Variants in SMIM13 observed in about 807,000 individuals in gnomAD.
SMIM13 encodes UPF0766 protein C6orf228.
SMIM13 carries 3 observed loss-of-function variants against 5.9 expected under a neutral mutation model. The ratio of observed to expected loss-of-function variants is 0.51; its 90% CI spans 0.23 to 1.31. SMIM13 has a LOEUF of 1.31. SMIM13 is among the 40% of genes most tolerant of loss of function. The pLI is 0.18. For missense variants in SMIM13, 85 were observed against 109.9 expected, an observed-to-expected ratio of 0.77 and a Z score of 1.01; for synonymous variants, 55 against 46.0, an observed-to-expected ratio of 1.19 and a Z score of -0.79.
At chr6:11,102,474 A>G (rs1296391170) in intron 1 of SMIM13, 1 of 152,246 alleles carries the variant, frequency 6.6e-6, no homozygotes, top group African/African-American at 2.4e-5. Flanking sequence ...GTGTTAAGAA[A>G]TCAACTTAGG....
In SMIM13 at chr6:11,097,476, C is replaced by T. The variant is rs369084255; in HGVS notation, c.76+3087C>T. 1.3e-4 allele frequency among the ~76,000 whole-genome samples: 19 copies of T among 150,474 alleles called. No individual in the cohort carries two copies. The East Asian group carries it at 1.8e-3, about 14-fold the overall frequency. ...TTCGAGACCAGCCTGGCCAACATGG[C>T]GAATCCCCGTCTGTGCTAAAAAAAA... On this transcript the variant is annotated intron_variant, in intron 1 of 1. Transcript: ENST00000416247.
At chr6:11,108,461 T>A (rs1758120603) in intron 1 of SMIM13, among the ~76,000 whole-genome samples, 1 of 152,196 alleles carries the variant, frequency 6.6e-6, no homozygotes, top group Admixed American at 6.5e-5. Flanking sequence ...GTAGTCCTGT[T>A]TCCCAGTGGC....
chr6:11,131,460 C>T (rs1758449060), intron 1 of SMIM13, among the ~76,000 whole-genome samples: 1 of 150,668 alleles, frequency 6.6e-6, no homozygotes, highest in Non-Finnish European at 1.5e-5. Context: ...ATGGAAATGA[C>T]TCAGAATAGT....
Position 11,133,697 on chromosome 6 carries a change from A to C in SMIM13, c.77-706A>C, listed in dbSNP as rs562215126. Among the ~76,000 whole-genome samples the C allele has an allele frequency of 7.2e-5, 11 of 151,988 alleles. No individual in the cohort carries two copies. In the East Asian group the frequency reaches 1.9e-3, roughly 27 times the overall value. ...ATTAATGTTTGTTCCTTATTAGCGA[A>C]CATTTAAAAACCTTTACTACTCCTT... On this transcript the variant is annotated intron_variant, in intron 1 of 1. Coordinates refer to ENST00000416247, the MANE Select transcript of SMIM13 (RefSeq NM_001135575.2).
intron 1 of SMIM13, among the ~76,000 whole-genome samples, chr6:11,114,668 G>A (rs61320235): frequency 0.024 from 3,302 of 137,260 alleles, 129 homozygotes; most frequent in African/African-American, 0.087. Context: ...GTATGATCTC[G>A]GCTCACTGCA....
At chr6:11,126,238 C>T (rs1465805273) in intron 1 of SMIM13, among the ~76,000 whole-genome samples, 1 of 152,088 alleles carries the variant, frequency 6.6e-6, no homozygotes, top group Non-Finnish European at 1.5e-5. Flanking sequence ...TTAGTAGGGG[C>T]GGGATTTCAC....
At chr6:11,096,414 G>C (rs1350916409) in intron 1 of SMIM13, among the ~76,000 whole-genome samples, 1 of 152,210 alleles carries the variant, frequency 6.6e-6, no homozygotes, top group Non-Finnish European at 1.5e-5. Flanking sequence ...TAGGGCTGGA[G>C]AGCCCTGTGC....
chr6:11,114,035 A>C (rs1256841899), intron 1 of SMIM13, among the ~76,000 whole-genome samples: 1 of 150,128 alleles, frequency 6.7e-6, no homozygotes, highest in Non-Finnish European at 1.5e-5. Flanking sequence ...GCTGGAGTGC[A>C]ATGGCGCGGT....
chr6:11,134,565 G>A lies in SMIM13; in HGVS notation c.239G>A (p.Arg80Lys). ...AGAATCAGATCCGCTCGCCAAAGGA[G>A]GGCACCTGCTGATGAAGGCCACAGA... ...PHRIRSARQR[R>K]APADEGHRPL... Residue 80 changes from arginine to lysine, a missense_variant, in exon 2 of 2, where the codon AGG becomes AAG. Physicochemically the swap from Arg to Lys is conservative, Grantham distance 26. Transcript: ENST00000416247. 6.5e-7 allele frequency: 1 copy of A among 1,549,068 alleles called. No individual in the cohort carries two copies. The highest frequency in any genetic ancestry group is 8.7e-7 in the Non-Finnish European group (1 of 1,145,590).
chr6:11,138,227 C>T lies in SMIM13; in HGVS notation c.*3625C>T, dbSNP rs182205515. 5.3e-4 allele frequency: 81 copies of T among 152,304 alleles called. No homozygotes were observed. The highest frequency in any genetic ancestry group is 1.9e-3 in the African/African-American group (81 of 41,584). 9.4% of individuals were successfully genotyped at this position (152,304 alleles called of 1,614,324 possible). A position where few individuals can be genotyped will look rare whatever the true frequency, so the allele number is the denominator to read the frequency against. ...GCAGTCCTCAGAGGTTATGGACTCT[C>T]AAGCGACTAATGGAATAGTGTTCTG... On this transcript the variant is annotated 3_prime_UTR_variant, in exon 2 of 2. Transcript: ENST00000416247.
At chr6:11,104,583 G>A (rs767522278) in intron 1 of SMIM13, 1 of 1,613,260 alleles carries the variant, frequency 6.2e-7, no homozygotes, top group Admixed American at 1.7e-5. Context: ...AGCTCCCTTG[G>A]TTTTATTTTC....
chr6:11,103,713 A>G, intron 1 of SMIM13: 1 of 1,551,218 alleles, frequency 6.4e-7, no homozygotes. Context: ...TGACTCTTGA[A>G]TATTGCGAGG....
At chr6:11,129,148 T>A (rs1482236970) in intron 1 of SMIM13, among the ~76,000 whole-genome samples, 1 of 152,072 alleles carries the variant, frequency 6.6e-6, no homozygotes, top group East Asian at 1.9e-4. Context: ...CTAATTGTAT[T>A]TTTATACCCA....
At chr6:11,102,251 A>G (rs562797549) in intron 1 of SMIM13, among the ~76,000 whole-genome samples, 1 of 152,326 alleles carries the variant, frequency 6.6e-6, no homozygotes, top group South Asian at 2.1e-4. Flanking sequence ...ACAGGTGGAT[A>G]TATATGAATT....
chr6:11,121,856 C>CATTG (rs1217636334), intron 1 of SMIM13, among the ~76,000 whole-genome samples: 2 of 152,238 alleles, frequency 1.3e-5, no homozygotes, highest in African/African-American at 4.8e-5. Context: ...CCTCCTGCAG[C>CATTG]ATTGCTCCAC....
Position 11,136,078 on chromosome 6 carries a change from CTTCTACT to C in SMIM13, c.*1479_*1485del, listed in dbSNP as rs1382911957. 6 of 152,144 alleles carry C rather than the reference CTTCTACT, an allele frequency of 3.9e-5. No individual in the cohort carries two copies. The highest frequency in any genetic ancestry group is 8.8e-5 in the Non-Finnish European group (6 of 68,030). The allele number at this position is 152,144 out of a possible 1,614,324, so 9.4% of individuals were successfully genotyped here. Reference sequence around the variant, plus strand: ...AGTAACTTAGGAATCTAAGAACTATCTTCTACTTTAGGAAGAGTGGGATTAGTTACTC... The same window carrying C: ...AGTAACTTAGGAATCTAAGAACTATCTTAGGAAGAGTGGGATTAGTTACTC... On this transcript the variant is annotated 3_prime_UTR_variant, in exon 2 of 2. Transcript: ENST00000416247.
intron 1 of SMIM13, chr6:11,104,178 G>C (rs746582896): frequency 6.4e-7 from 1 of 1,551,714 alleles, no homozygotes. Context: ...ATAGGTGAGG[G>C]AAGCTTTTGT....
At chr6:11,101,483 T>G (rs896310301) in intron 1 of SMIM13, among the ~76,000 whole-genome samples, 1 of 152,178 alleles carries the variant, frequency 6.6e-6, no homozygotes, top group Admixed American at 6.5e-5. Context: ...GTGAAGAGGT[T>G]CTATGGTAGG....
chr6:11,097,616 C>T (rs1230281930), intron 1 of SMIM13, among the ~76,000 whole-genome samples: 1 of 150,874 alleles, frequency 6.6e-6, no homozygotes, highest in African/African-American at 2.4e-5. Context: ...TGCAGTGAGC[C>T]GACATTGCAC....
Sources: allele counts gnomAD v4.1 joint callset (sites outside exome capture counted in the v4.1 genomes callset), GRCh38; gene constraint gnomAD v4.1.1; transcripts MANE v1.5; gene names NCBI Gene and HGNC (gene_info 2026-07-23, HGNC 2026-07-21).